Variants in VBP1 observed in about 807,000 individuals in gnomAD.
VBP1 encodes prefoldin subunit 3.
VBP1 carries 4 observed loss-of-function variants against 15.5 expected under a neutral mutation model. The observed-to-expected ratio is 0.26, with a 90% CI of 0.13 to 0.59. The LOEUF (loss-of-function observed/expected upper bound fraction) is 0.59, where lower values mean the gene tolerates loss of function less well. Ranked by LOEUF, VBP1 falls within the 20% of genes least tolerant of loss-of-function variation. VBP1 has a pLI of 0.90. For synonymous variants in VBP1, 61 were observed against 52.1 expected, an observed-to-expected ratio of 1.17 and a Z score of -0.74; for missense variants, 108 against 139.6, an observed-to-expected ratio of 0.77 and a Z score of 1.14.
intron 2 of VBP1, among the ~76,000 whole-genome samples, chrX:155,221,235 G>A (rs1557309553): frequency 9.0e-6 from 1 of 111,443 alleles, no homozygotes; most frequent in African/African-American, 3.3e-5. Flanking sequence ...GGGAGGCTGA[G>A]TTGGGAGAAT....
At chrX:155,223,691 C>T (rs935313050) in intron 2 of VBP1, among the ~76,000 whole-genome samples, 2 of 112,884 alleles carry the variant, frequency 1.8e-5, no homozygotes, top group African/African-American at 3.2e-5. Flanking sequence ...CATCATGGCC[C>T]GTTCTCAACG....
intron 1 of VBP1, among the ~76,000 whole-genome samples, chrX:155,198,953 G>A (rs75047937): frequency 4.5e-5 from 5 of 112,101 alleles, no homozygotes; most frequent in South Asian, 3.6e-4. Flanking sequence ...CGAGAACTAC[G>A]TGAAGAATGC....
Position 155,208,847 on chromosome X carries a change from CTGAT to C in VBP1, c.-30-24_-30-21del. On this transcript the variant is annotated intron_variant, in intron 1 of 6. Coordinates refer to the VBP1 transcript ENST00000535916. ...CAATTAAATACTAATTAATTTTTAA[CTGAT>C]TGTTTTCTTTTACAATTCATAGGTT... The C allele has an allele frequency of 2.9e-6, 3 of 1,023,340 alleles. No homozygotes were observed. In the African/African-American group the frequency reaches 5.6e-5, roughly 19 times the overall value. The allele number at this position is 1,023,340 out of a possible 1,213,427, so 84.3% of individuals were successfully genotyped here.
intron 1 of VBP1, among the ~76,000 whole-genome samples, chrX:155,201,236 A>G (rs782699349): frequency 2.7e-5 from 3 of 110,507 alleles, no homozygotes; most frequent in Admixed American, 9.6e-5. Flanking sequence ...TAGAAAAAGA[A>G]GGAATCCTCC....
rs1469053819 is a variant in VBP1, at chrX:155,236,269, C to A, written c.425C>A (p.Ala142Glu). ...GAATATGATATTGATGAAGCTCAGG[C>A]ATTGTTGGAAAAGAATTTATCGACT... ...MLEYDIDEAQ[A>E]LLEKNLSTAT... is the part of the protein sequence containing the mutation. Residue 142 changes from alanine to glutamate, a missense_variant, in exon 5 of 6, where the codon GCA (alanine) becomes GAA (glutamate). Ala to Glu is a moderately radical substitution (Grantham distance 107). Coordinates refer to ENST00000286428, the MANE Select transcript of VBP1 (RefSeq NM_003372.7). 1 of 1,209,005 alleles carries A rather than the reference C, an allele frequency of 8.3e-7. No homozygotes were observed. Among genetic ancestry groups the A allele is most frequent in the Non-Finnish European group, 1.1e-6 (1 of 894,555 alleles).
intron 4 of VBP1, among the ~76,000 whole-genome samples, chrX:155,232,724 G>A (rs1278991274): frequency 5.3e-5 from 6 of 112,976 alleles, no homozygotes; most frequent in African/African-American, 1.6e-4. Flanking sequence ...TGGTGAAGGT[G>A]TAAATGGACA....
chrX:155,231,638 G>T (rs1463892212), intron 4 of VBP1, among the ~76,000 whole-genome samples: 3 of 112,391 alleles, frequency 2.7e-5, no homozygotes, highest in African/African-American at 9.7e-5. Flanking sequence ...ATCCCCAGAT[G>T]CACCCACTTT....
chrX:155,234,080 AAC>A (rs1169694800), intron 4 of VBP1, among the ~76,000 whole-genome samples: 1 of 104,640 alleles, frequency 9.6e-6, no homozygotes, highest in Admixed American at 1.0e-4. Context: ...AATTCAGGAC[AAC>A]AGAGTTTTCA....
intron 1 of VBP1, among the ~76,000 whole-genome samples, chrX:155,206,782 G>C (rs2074628052): frequency 9.0e-6 from 1 of 111,038 alleles, no homozygotes; most frequent in Non-Finnish European, 1.9e-5. Flanking sequence ...TCCCTTCCTA[G>C]AGTTAGAAAC....
chrX:155,232,395 T>G (rs1212376767), intron 4 of VBP1, among the ~76,000 whole-genome samples: 1 of 111,693 alleles, frequency 9.0e-6, no homozygotes, highest in Non-Finnish European at 1.9e-5. Context: ...ATATTTATAA[T>G]TTTATCTTAA....
intron 2 of VBP1, among the ~76,000 whole-genome samples, chrX:155,226,920 C>G (rs782275053): frequency 1.9e-4 from 21 of 110,968 alleles, no homozygotes; most frequent in Non-Finnish European, 3.4e-4. Context: ...TAGAACAGAG[C>G]TTTGTCTTCA....
chrX:155,229,176 G>C (rs1300431055), intron 4 of VBP1, among the ~76,000 whole-genome samples: 1 of 111,755 alleles, frequency 8.9e-6, no homozygotes, highest in African/African-American at 3.3e-5. Context: ...CTCTAGATTA[G>C]CCCAAGGAGG....
chrX:155,203,320 T>C (rs1435619364), intron 1 of VBP1, among the ~76,000 whole-genome samples: 4 of 111,071 alleles, frequency 3.6e-5, no homozygotes, highest in African/African-American at 1.3e-4. Flanking sequence ...CGTATGTTTA[T>C]TGTGGCACTA....
intron 1 of VBP1, among the ~76,000 whole-genome samples, chrX:155,197,923 G>C (rs1231569111): frequency 8.9e-6 from 1 of 112,393 alleles, no homozygotes. Flanking sequence ...GTGCTTTTCC[G>C]ATGGGCTTAA....
At chrX:155,228,652 G>A (rs1467256796) in intron 4 of VBP1, among the ~76,000 whole-genome samples, 170 bp downstream of exon 4, 2 of 111,836 alleles carry the variant, frequency 1.8e-5, no homozygotes, top group Non-Finnish European at 3.8e-5. Context: ...GAGTCCAAGT[G>A]GTTCATATTA....
chrX:155,198,912 A>T (rs1396601311), intron 1 of VBP1, among the ~76,000 whole-genome samples: 2 of 112,145 alleles, frequency 1.8e-5, no homozygotes, highest in Non-Finnish European at 3.8e-5. Context: ...AGACATGCTT[A>T]AAGGAGCTGA....
Position 155,228,385 on chromosome X carries a change from A to C in VBP1, c.287A>C (p.Glu96Ala). The C allele has an allele frequency of 8.4e-7, 1 of 1,194,340 alleles. No individual in the cohort carries two copies. Among genetic ancestry groups the C allele is most frequent in the Non-Finnish European group, 1.1e-6 (1 of 886,206 alleles). The change falls in exon 4 of 6, where the codon GAG (glutamate) becomes GCG (alanine). Residue 96 changes from glutamate (E) to alanine (A), a missense_variant and splice_region_variant. Glu to Ala is a moderately radical substitution (Grantham distance 107). Transcript: ENST00000286428. ...EILKYMQKKK[E>A]STNSMETRFL... The stretch of plus-strand genomic sequence containing the variant: ...GTCATTTTTTTTTTTGTTTTGAAGG[A>C]GTCCACCAACTCAATGGAGACCAGA...
At chrX:155,214,747 G>GT (rs2074656112), upstream of VBP1, among the ~76,000 whole-genome samples, 1 of 12,882 alleles carries the variant, frequency 7.8e-5, no homozygotes. Context: ...GCAAGAGGAA[G>GT]GTTTTTTTTT....
chrX:155,198,533 C>T (rs1569560841), intron 1 of VBP1, among the ~76,000 whole-genome samples: 1 of 111,638 alleles, frequency 9.0e-6, no homozygotes, highest in African/African-American at 3.2e-5. Context: ...CTCCAACAGA[C>T]CTGCAGCTGA....
Sources: gnomAD v4.1 joint callset for allele counts (sites outside exome capture counted in the v4.1 genomes callset) on GRCh38, gnomAD v4.1.1 for gene constraint, MANE v1.5 for transcripts, NCBI Gene and HGNC (gene_info 2026-07-23, HGNC 2026-07-21) for gene names.